Variants in REN observed in about 807,000 individuals in gnomAD.
REN encodes renin.
A neutral mutation model predicts 48.6 loss-of-function variants in REN; 42 were observed. That is an observed-to-expected ratio of 0.86 (90% CI 0.68 to 1.12). The LOEUF (loss-of-function observed/expected upper bound fraction) is 1.12. REN is among the 50% of genes most tolerant of loss of function. The pLI is 0.00. For missense variants in REN, 443 were observed against 527.3 expected (o/e 0.84, Z 1.57); for synonymous variants, 196 against 204.6 (o/e 0.96, Z 0.36).
Position 204,156,022 on chromosome 1 carries a change from A to G in REN, c.961-104T>C. 7.0e-7 allele frequency: 1 copy of G among 1,431,444 alleles called. No homozygotes were observed. Among genetic ancestry groups the G allele is most frequent in the African/African-American group, 1.4e-5 (1 of 71,286 alleles). The allele number at this position is 1,431,444 out of a possible 1,614,324, so 88.7% of individuals were successfully genotyped here. On this transcript the variant is annotated intron_variant, in intron 8 of 9. Coordinates refer to ENST00000272190, the MANE Select transcript of REN (RefSeq NM_000537.4). This position sits in a 1 kb window ranked among gnomAD's most constrained non-coding sequence, Gnocchi z 4.2. ...GTCTCTCTGCTGGAGAGGGCTGGGG[A>G]CAGTGCCCCGCCCCATGGGTGACCA...
At position 204,156,708 on chromosome 1, in the gene REN, T is replaced by A; in HGVS notation, c.787A>T (p.Lys263Ter). The change falls in exon 7 of 10, where the codon AAG (lysine) becomes TAG (stop). Residue 263 changes from lysine (K) to a stop codon, truncating the protein, a stop_gained. Transcript: ENST00000272190. LOFTEE classifies it high-confidence loss of function. This position sits in a 1 kb window ranked among gnomAD's most constrained non-coding sequence, Gnocchi z 4.2. Reference sequence around the variant, plus strand: ...ATTTGAATCTGCCAGACACCAGTCTTGATGAGGTTGATATAGTGGAAATTC... The same window carrying A: ...ATTTGAATCTGCCAGACACCAGTCTAGATGAGGTTGATATAGTGGAAATTC... The part of the protein sequence containing the change: ...EGNFHYINLI[K>*]TGVWQIQMKG... The A allele has an allele frequency of 6.2e-7, 1 of 1,613,984 alleles. No individual in the cohort carries two copies. Among genetic ancestry groups the A allele is most frequent in the Non-Finnish European group, 8.5e-7 (1 of 1,179,992 alleles).
At position 204,155,900 on chromosome 1, in the gene REN, C is replaced by T. The variant is rs920158144; in HGVS notation, c.979G>A (p.Glu327Lys). The T allele has an allele frequency of 8.7e-6, 14 of 1,613,622 alleles. No homozygotes were observed. The highest frequency in any genetic ancestry group is 6.6e-5 in the South Asian group (6 of 91,018). ...RLFDYVVKCNEGPTLPDISFH... is the reference protein window; with the variant it reads ...RLFDYVVKCNKGPTLPDISFH... ...GAGATGTCGGGGAGTGTAGGGCCCT[C>T]GTTACACTTCACGACATACTGGGGT... The change falls in exon 9 of 10, where the codon GAG becomes AAG. Residue 327 changes from glutamate to lysine, a missense_variant. Coordinates refer to ENST00000272190, the MANE Select transcript of REN (RefSeq NM_000537.4).
rs778501632 is a variant in REN at position 204,156,741 on chromosome 1, A to G, written c.754T>C (p.Tyr252His). ...TTGATATAGTGGAAATTCCCTTCGT[A>G]ATGCTGGGGGTCGCTGCCTCCCAGC... is the stretch of plus-strand genomic sequence containing the variant. ...IVLGGSDPQHYEGNFHYINLI... is the reference protein window; with the variant it reads ...IVLGGSDPQHHEGNFHYINLI... Residue 252 changes from tyrosine to histidine, a missense_variant, in exon 7 of 10, where the codon TAC becomes CAC. By Grantham distance (83) the Tyr-to-His change is moderately conservative. Coordinates refer to ENST00000272190, the MANE Select transcript of REN (RefSeq NM_000537.4). This position sits in a 1 kb window ranked among gnomAD's most constrained non-coding sequence, Gnocchi z 4.2. 2 of 1,613,964 alleles carry G rather than the reference A, an allele frequency of 1.2e-6. No individual in the cohort carries two copies. Among genetic ancestry groups the G allele is most frequent in the Non-Finnish European group, 1.7e-6 (2 of 1,179,940 alleles).
At chr1:204,157,456 A>C in intron 5 of REN, 87 bp from the exon 6 acceptor site, 1 of 1,583,020 alleles carries the variant, frequency 6.3e-7, no homozygotes, top group Non-Finnish European at 8.7e-7. Flanking sequence ...GGTGTTATGT[A>C]CTCTCTTTGC....
chr1:204,166,161 C>T (rs762576008), intron 1 of REN, 35 bp downstream of exon 1: 1 of 1,561,780 alleles, frequency 6.4e-7, no homozygotes, highest in Non-Finnish European at 8.8e-7. Context: ...ACCCTGCACC[C>T]CTCCCACCCC....
intron 5 of REN, 22 bp downstream of exon 5, chr1:204,159,377 C>A: frequency 6.2e-7 from 1 of 1,609,712 alleles, no homozygotes. Flanking sequence ...CCCACCTCAG[C>A]CCTTGGAGTC....
At position 204,162,205 on chromosome 1, in the gene REN, C is replaced by T. The variant is rs199644673; in HGVS notation, c.99-42G>A. On this transcript the variant is annotated intron_variant, in intron 1 of 9. Coordinates refer to ENST00000272190, the MANE Select transcript of REN (RefSeq NM_000537.4). ...GAAGCAAAAATAGAAAAGTGCTGTA[C>T]CTCCACCACAGTGGTGGAGTCCCTG... The T allele has an allele frequency of 3.7e-6, 6 of 1,609,972 alleles. No homozygotes were observed. In the East Asian group the frequency reaches 1.3e-4, roughly 36 times the overall value.
At position 204,156,738 on chromosome 1, in the gene REN, C is replaced by T. The variant is rs267598319; in HGVS notation, c.757G>A (p.Glu253Lys). The T allele has an allele frequency of 9.9e-6, 16 of 1,614,054 alleles. No individual in the cohort carries two copies. Among genetic ancestry groups the T allele is most frequent in the East Asian group, 2.2e-5 (1 of 44,874 alleles). ...VLGGSDPQHYEGNFHYINLIK... is the reference protein window; with the variant it reads ...VLGGSDPQHYKGNFHYINLIK... ...AGGTTGATATAGTGGAAATTCCCTTCGTAATGCTGGGGGTCGCTGCCTCCC... is the reference window on the plus strand; with the variant it reads ...AGGTTGATATAGTGGAAATTCCCTTTGTAATGCTGGGGGTCGCTGCCTCCC... Residue 253 changes from glutamate to lysine, a missense_variant, in exon 7 of 10, where the codon GAA becomes AAA. Physicochemically the swap from Glu to Lys is moderately conservative, Grantham distance 56. Coordinates refer to ENST00000272190, the MANE Select transcript of REN (RefSeq NM_000537.4). This position sits in a 1 kb window ranked among gnomAD's most constrained non-coding sequence, Gnocchi z 4.2.
Position 204,162,876 on chromosome 1 carries a change from T to C in REN, c.99-713A>G, listed in dbSNP as rs758716319. 4.1e-4 allele frequency among the ~76,000 whole-genome samples: 63 copies of C among 152,206 alleles called. 1 individual carries two copies. The highest frequency in any genetic ancestry group is 1.5e-4 in the Non-Finnish European group (10 of 68,044). On this transcript the variant is annotated intron_variant, in intron 1 of 9. Coordinates refer to ENST00000272190, the MANE Select transcript of REN (RefSeq NM_000537.4). ...TTGTCTAGATGTTTTCCCATCACCTTTGAGAGGCAGAATTAAAGAGACCTA... is the reference window on the plus strand; with the variant it reads ...TTGTCTAGATGTTTTCCCATCACCTCTGAGAGGCAGAATTAAAGAGACCTA...
At position 204,161,326 on chromosome 1, in the gene REN, G is replaced by T. The variant is rs1046219728; in HGVS notation, c.339C>A (p.Pro113=). The part of the protein sequence containing the change: ...FDTGSSNVWV[P]SSKCSRLYTA... ...TGTAGAGACGGCTGCACTTGGAGGAGGGCACCCAAACATTGGACGAACCAG... is the reference window on the plus strand; with the variant it reads ...TGTAGAGACGGCTGCACTTGGAGGATGGCACCCAAACATTGGACGAACCAG... The change falls in exon 3 of 10, where the codon CCC becomes CCA. Residue 113 remains proline, a synonymous_variant. Coordinates refer to ENST00000272190, the MANE Select transcript of REN (RefSeq NM_000537.4). The T allele has an allele frequency of 4.4e-6, 7 of 1,607,794 alleles. No homozygotes were observed. Among genetic ancestry groups the T allele is most frequent in the Non-Finnish European group, 5.9e-6 (7 of 1,177,168 alleles).
intron 4 of REN, 66 bp from the exon 5 acceptor site, chr1:204,159,661 G>T: frequency 1.4e-6 from 2 of 1,432,630 alleles, no homozygotes; most frequent in Non-Finnish European, 2.0e-6. Flanking sequence ...TCTGGTCTGG[G>T]CTTCCACACT....
In REN at chr1:204,162,041, G is replaced by A. The variant is rs536696119; in HGVS notation, c.221C>T (p.Ser74Phe). ...CATGTAGTTGGTGAGGATCACGGAG[G>A]AGGTGGTGTTGCCAAGTGTCAGCCT... ...MKRLTLGNTT[S>F]SVILTNYMDT... is the part of the protein sequence containing the mutation. Residue 74 changes from serine to phenylalanine, a missense_variant, in exon 2 of 10, where the codon TCC becomes TTC. Transcript: ENST00000272190. The A allele has an allele frequency of 6.2e-7, 1 of 1,614,206 alleles. No homozygotes were observed. The highest frequency in any genetic ancestry group is 8.5e-7 in the Non-Finnish European group (1 of 1,180,036).
rs376525006 is a variant in REN, at chr1:204,155,806, G to A, written c.1059+14C>T. 4.4e-5 allele frequency: 70 copies of A among 1,604,678 alleles called. 1 individual carries two copies. The Middle Eastern group carries it at 1.7e-3, about 38-fold the overall frequency. The stretch of plus-strand genomic sequence containing the variant: ...CTTTCTCCCTGCCACCGAGGGGGCC[G>A]ACTCGAACCTCACCTGAAATACATA... On this transcript the variant is annotated intron_variant, in intron 9 of 9. Coordinates refer to ENST00000272190, the MANE Select transcript of REN (RefSeq NM_000537.4).
At chr1:204,155,578 A>G (rs1046139227) in intron 9 of REN, among the ~76,000 whole-genome samples, 1 of 152,052 alleles carries the variant, frequency 6.6e-6, no homozygotes, top group South Asian at 2.1e-4. Context: ...ATGCCCAAAC[A>G]TGGCCACACA....
At chr1:204,157,554 G>A (rs910320137) in intron 5 of REN, among the ~76,000 whole-genome samples, 185 bp from the exon 6 acceptor site, 4 of 152,196 alleles carry the variant, frequency 2.6e-5, no homozygotes, top group African/African-American at 7.2e-5. Flanking sequence ...CTGGAGCCAG[G>A]CTCCTGGTGC....
chr1:204,157,160 G>A (rs1023085715), intron 6 of REN, among the ~76,000 whole-genome samples: 3 of 152,202 alleles, frequency 2.0e-5, no homozygotes, highest in Admixed American at 6.5e-5. Flanking sequence ...CAGGTGCATG[G>A]GAGGGGACCC....
chr1:204,162,679 C>T (rs1435666809), intron 1 of REN, among the ~76,000 whole-genome samples: 1 of 152,180 alleles, frequency 6.6e-6, no homozygotes, highest in African/African-American at 2.4e-5. Flanking sequence ...CGCTAGGTGG[C>T]AGCAGATGCC....
intron 9 of REN, 84 bp downstream of exon 9, chr1:204,155,736 A>G: frequency 9.5e-7 from 1 of 1,050,010 alleles, no homozygotes; most frequent in African/African-American, 1.6e-5. Flanking sequence ...TTCTAACATG[A>G]CCTGTGCATT....
rs1257300615 is a variant in REN at position 204,155,838 on chromosome 1, G to A, written c.1041C>T (p.Ser347=). Reference sequence around the variant, plus strand: ...ACCTCACCTGAAATACATAGTCCGCGCTGGTGAGCGTGTATTCTTTGCCTC... The same window carrying A: ...ACCTCACCTGAAATACATAGTCCGCACTGGTGAGCGTGTATTCTTTGCCTC... The part of the protein sequence containing the change: ...HLGGKEYTLT[S]ADYVFQESYS... The change falls in exon 9 of 10, where the codon AGC becomes AGT. Residue 347 remains serine (S), a synonymous_variant. Coordinates refer to ENST00000272190, the MANE Select transcript of REN (RefSeq NM_000537.4). 9.3e-6 allele frequency: 15 copies of A among 1,613,804 alleles called. No homozygotes were observed. The highest frequency in any genetic ancestry group is 2.7e-5 in the African/African-American group (2 of 74,916).
Sources: gnomAD v4.1 joint callset for allele counts (sites outside exome capture counted in the v4.1 genomes callset) on GRCh38, gnomAD v4.1.1 for gene constraint, Gnocchi (gnomAD v3.1) non-coding constraint, MANE v1.5 for transcripts, NCBI Gene and HGNC (gene_info 2026-07-23, HGNC 2026-07-21) for gene names.